The following USP15 variants were observed in gnomAD, a reference collection of about 807,000 sequenced individuals.
USP15 encodes ubiquitin specific peptidase 15.
A neutral mutation model predicts 127.1 loss-of-function variants in USP15; 18 were observed. The ratio of observed to expected loss-of-function variants is 0.14; its 90% CI spans 0.10 to 0.21. The LOEUF (loss-of-function observed/expected upper bound fraction) is 0.21. Ranked by LOEUF, USP15 falls within the 10% of genes least tolerant of loss-of-function variation. The pLI is 1.00. For synonymous variants in USP15, 364 were observed against 393.7 expected (o/e 0.92, Z 0.89); for missense variants, 805 against 1,159.9 (o/e 0.69, Z 4.44).
At chr12:62,368,223 T>C (rs1254386032) in intron 8 of USP15, among the ~76,000 whole-genome samples, 1 of 152,196 alleles carries the variant, frequency 6.6e-6, no homozygotes, top group Non-Finnish European at 1.5e-5. Flanking sequence ...AGTATTTTAC[T>C]TCTTATTATT....
chr12:62,285,462 G>A (rs1331957600), intron 1 of USP15, among the ~76,000 whole-genome samples: 9 of 151,998 alleles, frequency 5.9e-5, no homozygotes, highest in African/African-American at 2.2e-4. Flanking sequence ...CATGGTGTTT[G>A]TGTCTTTGTG....
chr12:62,356,176 C>A (rs984579723), intron 8 of USP15, among the ~76,000 whole-genome samples: 3 of 151,660 alleles, frequency 2.0e-5, no homozygotes, highest in Admixed American at 2.0e-4. Context: ...TAATGGCAAA[C>A]CATTTTTGAT....
chr12:62,366,481 T>TCATGC (rs1341571127), intron 8 of USP15, among the ~76,000 whole-genome samples: 1 of 152,224 alleles, frequency 6.6e-6, no homozygotes, highest in Non-Finnish European at 1.5e-5. Flanking sequence ...AAATATACAA[T>TCATGC]CATGCCATCT....
chr12:62,398,174 G>A (rs2067559059), intron 20 of USP15, among the ~76,000 whole-genome samples: 1 of 151,728 alleles, frequency 6.6e-6, no homozygotes, highest in South Asian at 2.1e-4. Flanking sequence ...TGTATTTTTA[G>A]TAGCAGTGGG....
intron 3 of USP15, chr12:62,305,887 G>A (rs753316126): frequency 3.9e-5 from 6 of 152,116 alleles, no homozygotes; most frequent in East Asian, 1.9e-4. Flanking sequence ...AAAAAACACC[G>A]CGGCTTACAT....
chr12:62,335,144 CT>C (rs746953243), intron 6 of USP15: 9 of 1,534,176 alleles, frequency 5.9e-6, no homozygotes, highest in African/African-American at 1.4e-5. Flanking sequence ...ATTCTTAGCA[CT>C]TTTTTTTCTC....
At chr12:62,278,141 T>C (rs2063545206) in intron 1 of USP15, among the ~76,000 whole-genome samples, 1 of 152,148 alleles carries the variant, frequency 6.6e-6, no homozygotes, top group African/African-American at 2.4e-5. Context: ...CACATTAACC[T>C]AGGCCTGCAC....
At position 62,390,930 on chromosome 12, in the gene USP15, A is replaced by G. The variant is rs143311626; in HGVS notation, c.1911A>G (p.Gln637=). The G allele has an allele frequency of 5.0e-6, 8 of 1,613,008 alleles. No homozygotes were observed. Among genetic ancestry groups the G allele is most frequent in the African/African-American group, 2.7e-5 (2 of 74,900 alleles). ...GATCCCTACACTGCTGTAAGGACCA[A>G]AATATTAATGGGAATGGCCCAAATG... ...TEGSLHCCKD[Q]NINGNGPNGI... Residue 637 remains glutamine, a synonymous_variant, in exon 15 of 22, where the codon CAA becomes CAG. Coordinates refer to ENST00000280377, the MANE Select transcript of USP15 (RefSeq NM_001252078.2).
chr12:62,372,339 G>A (rs34350513), intron 8 of USP15, among the ~76,000 whole-genome samples: 9,425 of 152,130 alleles, frequency 0.062, 405 homozygotes, highest in South Asian at 0.11. Context: ...TCACAGCTGG[G>A]CAGATCATAT....
intron 1 of USP15, among the ~76,000 whole-genome samples, chr12:62,289,035 T>C (rs530273780): frequency 2.6e-5 from 4 of 152,308 alleles, no homozygotes; most frequent in East Asian, 1.9e-4. Flanking sequence ...TCAGGAGATA[T>C]TGATCTGTAG....
intron 6 of USP15, among the ~76,000 whole-genome samples, chr12:62,343,030 C>T (rs185994430): frequency 6.6e-6 from 1 of 152,210 alleles, no homozygotes; most frequent in Non-Finnish European, 1.5e-5. Context: ...GTCCCTCCCC[C>T]CAGTGTCTCT....
intron 6 of USP15, among the ~76,000 whole-genome samples, chr12:62,332,379 CT>C (rs1272918146): frequency 1.3e-5 from 2 of 151,510 alleles, no homozygotes; most frequent in Non-Finnish European, 2.9e-5. Flanking sequence ...GTTTTCCCCC[CT>C]AGTTTTAAAA....
At chr12:62,324,657 A>G (rs1028153924) in intron 5 of USP15, among the ~76,000 whole-genome samples, 1 of 152,112 alleles carries the variant, frequency 6.6e-6, no homozygotes, top group South Asian at 2.1e-4. Context: ...TACATGGTAC[A>G]TTTATTTTTT....
chr12:62,337,032 G>A (rs972436833), intron 6 of USP15, among the ~76,000 whole-genome samples: 1 of 152,160 alleles, frequency 6.6e-6, no homozygotes, highest in African/African-American at 2.4e-5. Flanking sequence ...TCTTCCAAAT[G>A]TTGACACATT....
chr12:62,265,431 G>T (rs563007120), intron 1 of USP15, among the ~76,000 whole-genome samples: 1 of 152,304 alleles, frequency 6.6e-6, no homozygotes, highest in Admixed American at 6.5e-5. Context: ...GACAAAATAG[G>T]AATCATAGGC....
chr12:62,292,225 C>T (rs1228678787), intron 1 of USP15, among the ~76,000 whole-genome samples: 4 of 152,182 alleles, frequency 2.6e-5, no homozygotes, highest in Non-Finnish European at 1.5e-5. Context: ...CCCTCTCACA[C>T]TCCTATTCTG....
chr12:62,388,790 C>T (rs992703350), intron 11 of USP15, among the ~76,000 whole-genome samples: 1 of 152,134 alleles, frequency 6.6e-6, no homozygotes, highest in African/African-American at 2.4e-5. Flanking sequence ...AATGAATTTC[C>T]AGGAGAAGCA....
intron 11 of USP15, 28 bp downstream of exon 11, chr12:62,384,330 T>TTTTTTTTTTTTTTG (rs2067078765): frequency 5.2e-6 from 1 of 193,646 alleles, no homozygotes; most frequent in African/African-American, 3.3e-4. Context: ...TTGTTTTGTT[T>TTTTTTTTTTTTTTG]TTTTTTTTTT....
chr12:62,304,809 G>C (rs992796224), intron 3 of USP15: 1 of 353,452 alleles, frequency 2.8e-6, no homozygotes, highest in African/African-American at 2.3e-5. Flanking sequence ...GTAGATTTTA[G>C]AATAGTGGGC....
Sources: gnomAD v4.1 joint callset for allele counts (sites outside exome capture counted in the v4.1 genomes callset) on GRCh38, gnomAD v4.1.1 for gene constraint, MANE v1.5 for transcripts, NCBI Gene and HGNC (gene_info 2026-07-23, HGNC 2026-07-21) for gene names.